Variants in CNTN3 observed in about 807,000 individuals in gnomAD.
CNTN3 encodes the protein contactin-3.
CNTN3 carries 60 observed loss-of-function variants against 119.1 expected under a neutral mutation model. That is an observed-to-expected ratio of 0.50 (90% CI 0.41 to 0.62). The LOEUF (loss-of-function observed/expected upper bound fraction) is 0.62. Ranked by LOEUF, CNTN3 falls within the 20% of genes least tolerant of loss-of-function variation. The pLI is 0.00. For synonymous variants in CNTN3, 450 were observed against 438.7 expected, an observed-to-expected ratio of 1.03 and a Z score of -0.32; for missense variants, 1,101 against 1,242.4, an observed-to-expected ratio of 0.89 and a Z score of 1.71.
chr3:74,353,564 G>A (rs1703865013), intron 11 of CNTN3, among the ~76,000 whole-genome samples: 1 of 152,140 alleles, frequency 6.6e-6, no homozygotes, highest in Non-Finnish European at 1.5e-5. Context: ...AGACCATCCC[G>A]GCTAACACGG....
intron 5 of CNTN3, among the ~76,000 whole-genome samples, chr3:74,378,170 C>T (rs1478228958): frequency 1.3e-5 from 2 of 152,164 alleles, no homozygotes; most frequent in Non-Finnish European, 2.9e-5. Context: ...TGCTCTGATG[C>T]TTACAAATCA....
chr3:74,441,278 G>A (rs1234532121), intron 4 of CNTN3, among the ~76,000 whole-genome samples: 3 of 151,890 alleles, frequency 2.0e-5, no homozygotes, highest in Non-Finnish European at 4.4e-5. Context: ...ATACACTAAA[G>A]CATAATAGAT....
intron 1 of CNTN3, among the ~76,000 whole-genome samples, chr3:74,573,142 A>G (rs1007521198): frequency 1.3e-5 from 2 of 152,336 alleles, no homozygotes; most frequent in African/African-American, 2.4e-5. Flanking sequence ...ACAGGAATCT[A>G]GTGAATTGGG....
intron 13 of CNTN3, among the ~76,000 whole-genome samples, chr3:74,320,672 A>C (rs933341989): frequency 3.3e-5 from 5 of 152,176 alleles, no homozygotes; most frequent in African/African-American, 7.2e-5. Context: ...AAAAGTAAAC[A>C]AAAACAACAA....
chr3:74,295,302 G>A (rs1283182297), intron 18 of CNTN3, 66 bp from the exon 19 acceptor site: 1 of 804,750 alleles, frequency 1.2e-6, no homozygotes, highest in Non-Finnish European at 2.0e-6. Flanking sequence ...ACAGATTAAT[G>A]TTCTTATTTT....
chr3:74,586,386 A>G (rs1704592990), intron 1 of CNTN3, among the ~76,000 whole-genome samples: 1 of 152,140 alleles, frequency 6.6e-6, no homozygotes, highest in Non-Finnish European at 1.5e-5. Context: ...TAACAGAAAC[A>G]CTTCCCCTCA....
At chr3:74,454,437 C>T (rs1332975719) in intron 4 of CNTN3, among the ~76,000 whole-genome samples, 7 of 151,612 alleles carry the variant, frequency 4.6e-5, no homozygotes, top group Non-Finnish European at 5.9e-5. Context: ...CTGAATACAA[C>T]ACACTGATGG....
intron 19 of CNTN3, among the ~76,000 whole-genome samples, chr3:74,288,969 G>A (rs1702173688): frequency 6.6e-6 from 1 of 152,156 alleles, no homozygotes; most frequent in Non-Finnish European, 1.5e-5. Flanking sequence ...TAGTCTAGAT[G>A]CTAATGATGA....
At chr3:74,496,871 C>T (rs942951651) in intron 3 of CNTN3, among the ~76,000 whole-genome samples, 3 of 151,896 alleles carry the variant, frequency 2.0e-5, no homozygotes, top group Non-Finnish European at 4.4e-5. Context: ...TTTGGATTTC[C>T]AACATGGCCA....
At chr3:74,552,271 T>A (rs1304104187) in intron 1 of CNTN3, among the ~76,000 whole-genome samples, 3 of 152,226 alleles carry the variant, frequency 2.0e-5, no homozygotes, top group African/African-American at 7.2e-5. Context: ...CATGTGGATA[T>A]TTTCGTGTGG....
At chr3:74,432,290 G>A (rs1444190059) in intron 4 of CNTN3, among the ~76,000 whole-genome samples, 1 of 151,854 alleles carries the variant, frequency 6.6e-6, no homozygotes, top group Non-Finnish European at 1.5e-5. Flanking sequence ...TGTAAGTCAG[G>A]CTTGTCCAAT....
At chr3:74,473,808 G>C (rs1702607193) in intron 4 of CNTN3, among the ~76,000 whole-genome samples, 1 of 152,130 alleles carries the variant, frequency 6.6e-6, no homozygotes, top group South Asian at 2.1e-4. Flanking sequence ...GGAAGGGTCT[G>C]GGTGAAAACA....
chr3:74,598,297 C>A (rs1704847079), intron 1 of CNTN3, among the ~76,000 whole-genome samples: 1 of 151,952 alleles, frequency 6.6e-6, no homozygotes, highest in Admixed American at 6.6e-5. Context: ...ATCCAGATCC[C>A]AGCCATTTCG....
chr3:74,502,390 A>G (rs1703181919), intron 2 of CNTN3, among the ~76,000 whole-genome samples: 1 of 152,158 alleles, frequency 6.6e-6, no homozygotes, highest in East Asian at 1.9e-4. Flanking sequence ...AAACGATGCT[A>G]CATGGCTTCT....
chr3:74,523,394 A>C (rs1703571541), intron 1 of CNTN3, among the ~76,000 whole-genome samples: 1 of 151,928 alleles, frequency 6.6e-6, no homozygotes, highest in African/African-American at 2.4e-5. Flanking sequence ...GAAACATGAG[A>C]TACATTAATC....
chr3:74,370,905 T>A (rs1198728109), intron 6 of CNTN3, among the ~76,000 whole-genome samples: 1 of 152,164 alleles, frequency 6.6e-6, no homozygotes, highest in Admixed American at 6.5e-5. Flanking sequence ...ATGCTTGGTA[T>A]AAGTCTTTGC....
At chr3:74,280,340 A>G (rs890897513) in intron 20 of CNTN3, among the ~76,000 whole-genome samples, 11 of 152,346 alleles carry the variant, frequency 7.2e-5, no homozygotes, top group African/African-American at 2.4e-4. Context: ...GTATACTCAC[A>G]CATATAATAA....
At chr3:74,513,141 C>T (rs1703398069) in intron 2 of CNTN3, among the ~76,000 whole-genome samples, 1 of 152,070 alleles carries the variant, frequency 6.6e-6, no homozygotes, top group South Asian at 2.1e-4. Flanking sequence ...TCAGACTGCC[C>T]TTTAAATCAA....
rs1701669437 is a variant in CNTN3 at position 74,424,776 on chromosome 3, A to T, written c.454+69T>A. On this transcript the variant is annotated intron_variant, in intron 5 of 22. Coordinates refer to ENST00000263665, the MANE Select transcript of CNTN3 (RefSeq NM_020872.3). The stretch of plus-strand genomic sequence containing the variant: ...CAGAGTAATTTACAGATGCAATAAC[A>T]GTACATGCGCTGCAGGCCTTGCCCT... 2.4e-6 allele frequency: 3 copies of T among 1,235,806 alleles called. No homozygotes were observed. In the East Asian group the frequency reaches 7.1e-5, roughly 29 times the overall value. The allele number at this position is 1,235,806 out of a possible 1,614,324, so 76.6% of individuals were successfully genotyped here.
Sources: allele counts gnomAD v4.1 joint callset (sites outside exome capture counted in the v4.1 genomes callset), GRCh38; gene constraint gnomAD v4.1.1; transcripts MANE v1.5; gene names NCBI Gene and HGNC (gene_info 2026-07-23, HGNC 2026-07-21).